Variants in CDKAL1 observed in about 807,000 individuals in gnomAD.
CDKAL1 encodes CDKAL1 threonylcarbamoyladenosine tRNA methylthiotransferase.
Under a neutral mutation model 68.2 loss-of-function variants are expected in CDKAL1, and 32 were observed. That is an observed-to-expected ratio of 0.47 (90% CI 0.35 to 0.63). The LOEUF (loss-of-function observed/expected upper bound fraction) is 0.63. Ranked by LOEUF, CDKAL1 falls within the 30% of genes least tolerant of loss-of-function variation. CDKAL1 has a pLI of 0.00. For missense variants in CDKAL1, 606 were observed against 696.7 expected, an observed-to-expected ratio of 0.87 and a Z score of 1.47; for synonymous variants, 234 against 244.3, an observed-to-expected ratio of 0.96 and a Z score of 0.39.
intron 9 of CDKAL1, among the ~76,000 whole-genome samples, chr6:20,912,021 C>T (rs1762489610): frequency 6.6e-6 from 1 of 152,142 alleles, no homozygotes; most frequent in Admixed American, 6.5e-5. Flanking sequence ...TGAGAAGGAC[C>T]ACCCAATAGT....
chr6:21,220,135 T>C (rs1779482650), intron 15 of CDKAL1, among the ~76,000 whole-genome samples: 1 of 152,184 alleles, frequency 6.6e-6, no homozygotes, highest in Non-Finnish European at 1.5e-5. Context: ...ATGTTGGGAT[T>C]ACAGGCTTCA....
chr6:21,086,397 T>A (rs1772694270), intron 12 of CDKAL1, among the ~76,000 whole-genome samples: 1 of 152,222 alleles, frequency 6.6e-6, no homozygotes, highest in African/African-American at 2.4e-5. Context: ...AGAGCCAAAA[T>A]TTTACTCATT....
chr6:20,982,160 G>A (rs565176530), intron 10 of CDKAL1, among the ~76,000 whole-genome samples: 173 of 151,748 alleles, frequency 1.1e-3, no homozygotes, highest in African/African-American at 4.0e-3. Flanking sequence ...TCCACCTCCC[G>A]GGCTCAAGCA....
At chr6:20,739,411 G>A (rs1773344578) in intron 5 of CDKAL1, 108 bp from the exon 6 acceptor site, 1 of 604,792 alleles carries the variant, frequency 1.7e-6, no homozygotes, top group African/African-American at 1.9e-5. Flanking sequence ...CTTGTTTCAT[G>A]TGAGATAGGC....
chr6:20,931,697 TG>T (rs1290936926), intron 9 of CDKAL1, among the ~76,000 whole-genome samples: 1 of 152,218 alleles, frequency 6.6e-6, no homozygotes, highest in African/African-American at 2.4e-5. Flanking sequence ...TTTTCCTTTC[TG>T]CCTCATGCCT....
chr6:21,098,185 T>C (rs1352447694), intron 12 of CDKAL1, among the ~76,000 whole-genome samples: 2 of 152,100 alleles, frequency 1.3e-5, no homozygotes, highest in Non-Finnish European at 2.9e-5. Flanking sequence ...ATTTTAGATA[T>C]AAAGGATGAG....
intron 15 of CDKAL1, among the ~76,000 whole-genome samples, chr6:21,201,641 G>A (rs1387595760): frequency 6.6e-6 from 1 of 152,156 alleles, no homozygotes; most frequent in African/African-American, 2.4e-5. Context: ...GCTTTACAAA[G>A]CTGTTTATAC....
At chr6:20,738,345 A>G (rs9295481) in intron 5 of CDKAL1, among the ~76,000 whole-genome samples, 38,366 of 152,078 alleles carry the variant, frequency 0.25, 4,989 homozygotes, top group East Asian at 0.34. Context: ...CTTCTAGCAC[A>G]AAATAAATGT....
intron 9 of CDKAL1, among the ~76,000 whole-genome samples, chr6:20,935,718 C>T (rs1763673617): frequency 6.6e-6 from 1 of 152,172 alleles, no homozygotes; most frequent in Non-Finnish European, 1.5e-5. Flanking sequence ...GTATGAGCCA[C>T]CATGCCCGGC....
At chr6:21,206,925 A>AT (rs66590198) in intron 15 of CDKAL1, among the ~76,000 whole-genome samples, 21,283 of 137,112 alleles carry the variant, frequency 0.16, 1,863 homozygotes, top group Admixed American at 0.26. Context: ...TTTTACTTTA[A>AT]TTTCTTTTTT....
intron 10 of CDKAL1, among the ~76,000 whole-genome samples, chr6:20,984,813 G>C (rs113985703): frequency 4.9e-5 from 6 of 121,252 alleles, no homozygotes; most frequent in African/African-American, 2.0e-4. Flanking sequence ...CACAGTAACG[G>C]GGGGGGGTGG....
intron 13 of CDKAL1, among the ~76,000 whole-genome samples, chr6:21,184,534 G>A (rs527717471): frequency 1.3e-5 from 2 of 152,232 alleles, no homozygotes; most frequent in East Asian, 3.9e-4. Flanking sequence ...CACAGAGAAA[G>A]GCCTTTTAGA....
intron 8 of CDKAL1, among the ~76,000 whole-genome samples, chr6:20,792,345 G>T (rs1365262798): frequency 1.3e-5 from 2 of 152,016 alleles, no homozygotes; most frequent in African/African-American, 2.4e-5. Flanking sequence ...TAAAAATACT[G>T]GTTTCAGTTT....
chr6:21,051,418 C>T (rs551112278), intron 11 of CDKAL1, among the ~76,000 whole-genome samples: 2 of 152,302 alleles, frequency 1.3e-5, no homozygotes, highest in South Asian at 4.1e-4. Flanking sequence ...AACTTATGAT[C>T]AGCCAGTGCT....
At chr6:20,589,000 G>A (rs1349282698) in intron 4 of CDKAL1, among the ~76,000 whole-genome samples, 1 of 151,996 alleles carries the variant, frequency 6.6e-6, no homozygotes, top group East Asian at 1.9e-4. Context: ...AAACAGTCTT[G>A]GTTCAGGTGA....
intron 11 of CDKAL1, among the ~76,000 whole-genome samples, chr6:21,007,290 T>C (rs1377135718): frequency 2.0e-5 from 3 of 151,360 alleles, no homozygotes; most frequent in Non-Finnish European, 4.4e-5. Flanking sequence ...ATTAGCCAGG[T>C]GTGGTGGCAC....
At chr6:20,877,285 C>G (rs553000903) in intron 9 of CDKAL1, among the ~76,000 whole-genome samples, 55 of 152,168 alleles carry the variant, frequency 3.6e-4, no homozygotes, top group Non-Finnish European at 6.2e-4. Flanking sequence ...GTGATTCTGA[C>G]CTGGACAGAT....
intron 5 of CDKAL1, among the ~76,000 whole-genome samples, chr6:20,670,757 A>T (rs927312264): frequency 1.7e-4 from 26 of 152,156 alleles, no homozygotes; most frequent in African/African-American, 5.6e-4. Flanking sequence ...GGAAATTTTT[A>T]AATTTCCTTT....
chr6:20,619,066 A>G (rs1489980711), intron 4 of CDKAL1, among the ~76,000 whole-genome samples: 2 of 152,282 alleles, frequency 1.3e-5, no homozygotes, highest in South Asian at 2.1e-4. Context: ...AGTTTAGATT[A>G]TATTTGTCAA....
Sources: allele counts gnomAD v4.1 joint callset (sites outside exome capture counted in the v4.1 genomes callset), GRCh38; gene constraint gnomAD v4.1.1; transcripts MANE v1.5; gene names NCBI Gene and HGNC (gene_info 2026-07-23, HGNC 2026-07-21).